The following ASPRV1 variants were observed in gnomAD, a reference collection of about 807,000 sequenced individuals.
ASPRV1 encodes the protein retroviral-like aspartic protease 1.
ASPRV1 carries 7 observed loss-of-function variants against 11.0 expected under a neutral mutation model. The observed-to-expected ratio is 0.64, with a 90% CI of 0.36 to 1.20. The LOEUF (loss-of-function observed/expected upper bound fraction) is 1.20. Among genes scored for constraint, ASPRV1 ranks in the 50% most tolerant of loss-of-function variants. The probability of loss-of-function intolerance (pLI) is 0.02; values close to 1 mark genes in which losing one functional copy is unlikely to be tolerated. For synonymous variants in ASPRV1, 136 were observed against 138.4 expected, an observed-to-expected ratio of 0.98 and a Z score of 0.12; for missense variants, 299 against 320.0, an observed-to-expected ratio of 0.93 and a Z score of 0.50.
chr2:69,935,235 A>G, the ASPRV1 span: 1 of 699,906 alleles, frequency 1.4e-6, no homozygotes, highest in East Asian at 2.7e-5. Flanking sequence ...GGTCATTGGT[A>G]GCATTTGCCA....
chr2:70,015,864 G>C, the ASPRV1 span: 1 of 152,222 alleles, frequency 6.6e-6, no homozygotes, highest in Non-Finnish European at 1.5e-5. Context: ...TCAGGAGGCT[G>C]AGGGAGGAGA....
At chr2:70,061,602 A>G in the ASPRV1 span, among the ~76,000 whole-genome samples, 6 of 152,076 alleles carry the variant, frequency 3.9e-5, no homozygotes, top group Non-Finnish European at 8.8e-5. Flanking sequence ...ACATGCAAGG[A>G]CCAGATACTG....
chr2:69,947,620 A>G, the ASPRV1 span, among the ~76,000 whole-genome samples: 1 of 152,148 alleles, frequency 6.6e-6, no homozygotes, highest in East Asian at 1.9e-4. Context: ...GTAGAGAACA[A>G]GAGGATACTG....
chr2:70,032,845 G>A, the ASPRV1 span, among the ~76,000 whole-genome samples: 1 of 152,120 alleles, frequency 6.6e-6, no homozygotes, highest in Non-Finnish European at 1.5e-5. Flanking sequence ...CATAAGGCAG[G>A]AAGAGTATAA....
chr2:69,956,862 C>T (rs1392985171), downstream of ASPRV1, among the ~76,000 whole-genome samples: 2 of 152,170 alleles, frequency 1.3e-5, no homozygotes, highest in Non-Finnish European at 2.9e-5. Context: ...AACCCACAGC[C>T]CGAATCTCAC....
chr2:69,938,011 T>C, the ASPRV1 span: 2 of 1,322,292 alleles, frequency 1.5e-6, no homozygotes, highest in African/African-American at 2.9e-5. Context: ...CCTCCCAAAG[T>C]GCTGGGATTA....
chr2:70,019,947 A>G, the ASPRV1 span, among the ~76,000 whole-genome samples: 19 of 152,186 alleles, frequency 1.2e-4, no homozygotes, highest in African/African-American at 4.6e-4. Context: ...GAGGCAATGC[A>G]TATGTTCAAT....
chr2:70,044,130 C>A, the ASPRV1 span, among the ~76,000 whole-genome samples: 1 of 141,426 alleles, frequency 7.1e-6, no homozygotes, highest in Non-Finnish European at 1.5e-5. Flanking sequence ...ATTCATACTT[C>A]CAGTTAACAT....
chr2:70,052,098 G>A, the ASPRV1 span, among the ~76,000 whole-genome samples: 2 of 152,036 alleles, frequency 1.3e-5, no homozygotes, highest in Non-Finnish European at 2.9e-5. Context: ...TCTAATGGAG[G>A]GAAGTTAGGC....
At chr2:69,961,874 C>T, upstream of ASPRV1, 7 of 566,910 alleles carry the variant, frequency 1.2e-5, no homozygotes, top group South Asian at 2.1e-4. Context: ...GCCTGTGTTC[C>T]AGAATAACAG....
chr2:70,054,417 TACAC>T, the ASPRV1 span, among the ~76,000 whole-genome samples: 1 of 151,510 alleles, frequency 6.6e-6, no homozygotes, highest in Non-Finnish European at 1.5e-5. Flanking sequence ...CTACTAAAAA[TACAC>T]ACAAAAAAAT....
the ASPRV1 span, among the ~76,000 whole-genome samples, chr2:70,079,692 G>C: frequency 2.6e-5 from 4 of 152,200 alleles, no homozygotes; most frequent in Admixed American, 2.0e-4. Context: ...AAATGCTACT[G>C]AGATATCAAG....
chr2:70,070,803 AAAAAAG>A, the ASPRV1 span: 1 of 154,826 alleles, frequency 6.5e-6, no homozygotes, highest in East Asian at 1.8e-4. Flanking sequence ...AAAAAAAAAA[AAAAAAG>A]GAAATGTCCC....
At chr2:70,051,231 A>G in the ASPRV1 span, 1 of 152,204 alleles carries the variant, frequency 6.6e-6, no homozygotes, top group East Asian at 1.9e-4. Context: ...TAAATGGCTG[A>G]GTCAGAATTC....
the ASPRV1 span, among the ~76,000 whole-genome samples, chr2:70,008,987 G>A: frequency 6.6e-6 from 1 of 152,174 alleles, no homozygotes; most frequent in Non-Finnish European, 1.5e-5. Context: ...AGCCAGAGAT[G>A]CCTGAAGATA....
the ASPRV1 span, among the ~76,000 whole-genome samples, chr2:69,933,222 AAAC>A: frequency 2.3e-4 from 32 of 142,180 alleles, no homozygotes; most frequent in South Asian, 6.7e-4. Context: ...AAAAAAAAAA[AAAC>A]AAAAAAAGAA....
chr2:69,969,634 G>A, the ASPRV1 span, among the ~76,000 whole-genome samples: 5 of 151,974 alleles, frequency 3.3e-5, no homozygotes, highest in Non-Finnish European at 5.9e-5. Flanking sequence ...TCTCTGCACC[G>A]CTTACCCATC....
the ASPRV1 span, among the ~76,000 whole-genome samples, chr2:69,990,634 T>C: frequency 1.3e-5 from 2 of 152,104 alleles, no homozygotes; most frequent in Non-Finnish European, 2.9e-5. Context: ...AAAAAATGTT[T>C]TGTGGAGATG....
the ASPRV1 span, among the ~76,000 whole-genome samples, chr2:70,079,899 C>T: frequency 4.0e-5 from 6 of 150,712 alleles, no homozygotes; most frequent in Non-Finnish European, 7.3e-5. Flanking sequence ...AATCAATGCT[C>T]TTAATCGGGA....
Sources: allele counts gnomAD v4.1 joint callset (sites outside exome capture counted in the v4.1 genomes callset), GRCh38; gene constraint gnomAD v4.1.1; transcripts MANE v1.5; gene names NCBI Gene and HGNC (gene_info 2026-07-23, HGNC 2026-07-21).